NCKAP5: variants seen among roughly 807,000 people sequenced by gnomAD.
The protein encoded by NCKAP5 is NCK associated protein 5.
Under a neutral mutation model 167.0 loss-of-function variants are expected in NCKAP5, and 92 were observed. The ratio of observed to expected loss-of-function variants is 0.55; its 90% CI spans 0.47 to 0.66. The LOEUF (loss-of-function observed/expected upper bound fraction) is 0.66, where lower values mean the gene tolerates loss of function less well. NCKAP5 is among the 30% of genes least tolerant of loss of function. NCKAP5 has a pLI of 0.00. For missense variants in NCKAP5, 2,378 were observed against 2,315.0 expected (o/e 1.03, Z -0.56); for synonymous variants, 891 against 877.4 (o/e 1.02, Z -0.27).
At chr2:132,895,742 A>G (rs901824911) in intron 8 of NCKAP5, among the ~76,000 whole-genome samples, 2 of 147,726 alleles carry the variant, frequency 1.4e-5, no homozygotes, top group African/African-American at 4.9e-5. Context: ...CATTTTACAG[A>G]TGTGCAGTCT....
the NCKAP5 span, among the ~76,000 whole-genome samples, chr2:133,658,665 A>G: frequency 6.6e-6 from 1 of 152,114 alleles, no homozygotes; most frequent in Non-Finnish European, 1.5e-5. Context: ...AGGCTCACTC[A>G]CAGTGCCGAC....
At chr2:133,378,706 T>C (rs947180657) in intron 3 of NCKAP5, among the ~76,000 whole-genome samples, 1 of 152,214 alleles carries the variant, frequency 6.6e-6, no homozygotes, top group Non-Finnish European at 1.5e-5. Flanking sequence ...CTCCGTTCTG[T>C]CTCACCCCAA....
intron 3 of NCKAP5, among the ~76,000 whole-genome samples, chr2:133,357,278 C>CACAG (rs1684796582): frequency 2.2e-5 from 3 of 135,134 alleles, no homozygotes; most frequent in African/African-American, 8.7e-5. Context: ...TTGGGTCACA[C>CACAG]ACATACACAG....
intron 11 of NCKAP5, among the ~76,000 whole-genome samples, chr2:132,811,489 G>A (rs1201893005): frequency 1.3e-5 from 2 of 152,102 alleles, no homozygotes; most frequent in Admixed American, 6.5e-5. Context: ...CACTGGAGTT[G>A]TGTGCCTAGG....
chr2:132,891,656 G>T (rs1692722084), intron 8 of NCKAP5, among the ~76,000 whole-genome samples: 1 of 152,154 alleles, frequency 6.6e-6, no homozygotes, highest in Admixed American at 6.5e-5. Flanking sequence ...TGTGTGATTT[G>T]GAAAACCATT....
intron 12 of NCKAP5, among the ~76,000 whole-genome samples, chr2:132,792,107 C>A (rs1433099724): frequency 6.6e-6 from 1 of 152,160 alleles, no homozygotes; most frequent in Non-Finnish European, 1.5e-5. Context: ...GGCTGGAGTG[C>A]AATGGCATGA....
intron 5 of NCKAP5, among the ~76,000 whole-genome samples, chr2:133,152,444 G>C (rs2083415681): frequency 6.6e-6 from 1 of 152,174 alleles, no homozygotes; most frequent in Non-Finnish European, 1.5e-5. Flanking sequence ...TACGCCGAAT[G>C]CATTAATAAA....
chr2:133,017,969 C>T (rs1255332633), intron 6 of NCKAP5, among the ~76,000 whole-genome samples: 1 of 152,160 alleles, frequency 6.6e-6, no homozygotes, highest in Non-Finnish European at 1.5e-5. Context: ...GGTGAAGAGT[C>T]TTTTCCAATC....
chr2:132,849,184 G>A (rs1040052643), intron 11 of NCKAP5, among the ~76,000 whole-genome samples: 1 of 152,094 alleles, frequency 6.6e-6, no homozygotes, highest in South Asian at 2.1e-4. Flanking sequence ...TGTATATAGG[G>A]AGAAAACCTA....
At chr2:133,423,171 A>C (rs981519653) in intron 3 of NCKAP5, among the ~76,000 whole-genome samples, 7 of 152,194 alleles carry the variant, frequency 4.6e-5, no homozygotes, top group African/African-American at 1.2e-4. Context: ...AGTCTGTTGC[A>C]ATATTTTACT....
At chr2:133,605,481 T>TG in the NCKAP5 span, among the ~76,000 whole-genome samples, 1 of 151,774 alleles carries the variant, frequency 6.6e-6, no homozygotes, top group Non-Finnish European at 1.5e-5. Flanking sequence ...GGGTGTGTGG[T>TG]GGGGGGAAGG....
At chr2:132,973,991 A>T (rs1211670510) in intron 7 of NCKAP5, among the ~76,000 whole-genome samples, 1 of 152,162 alleles carries the variant, frequency 6.6e-6, no homozygotes, top group Admixed American at 6.5e-5. Flanking sequence ...TATTATTACT[A>T]ACTCTGGTGG....
intron 6 of NCKAP5, among the ~76,000 whole-genome samples, chr2:133,063,359 T>C (rs2080077005): frequency 1.3e-5 from 2 of 152,330 alleles, no homozygotes; most frequent in African/African-American, 2.4e-5. Flanking sequence ...CTCAATTTAT[T>C]ATCTCTGAAC....
At chr2:133,439,183 G>C (rs1690679998) in intron 3 of NCKAP5, among the ~76,000 whole-genome samples, 1 of 152,248 alleles carries the variant, frequency 6.6e-6, no homozygotes, top group East Asian at 1.9e-4. Context: ...TATTTGACAG[G>C]AATCCAAATT....
At chr2:133,491,170 G>A (rs1681404520) in intron 3 of NCKAP5, among the ~76,000 whole-genome samples, 1 of 152,160 alleles carries the variant, frequency 6.6e-6, no homozygotes, top group African/African-American at 2.4e-5. Flanking sequence ...GGGCTTTTAT[G>A]GTTTGCCATG....
rs199500200 is a variant in NCKAP5, at chr2:133,119,678, T to TA, written c.341+10299dup. 2.0e-3 allele frequency among the ~76,000 whole-genome samples: 298 copies of TA among 152,192 alleles called. 3 individuals carry two copies. Among genetic ancestry groups the TA allele is most frequent in the African/African-American group, 6.6e-3 (273 of 41,530 alleles). ...TACATCTATTATCTATCAATAAATT[T>TA]AAAAAACCTCCACTTTCTATTACAG... On this transcript the variant is annotated intron_variant, in intron 6 of 19. Transcript: ENST00000409261.
chr2:133,652,208 A>G, the NCKAP5 span, among the ~76,000 whole-genome samples: 52 of 152,380 alleles, frequency 3.4e-4, 2 homozygotes, highest in South Asian at 0.011. Flanking sequence ...ATTCCTAATC[A>G]GGAAAGACAG....
At chr2:132,790,270 T>C in intron 12 of NCKAP5, 65 bp from the exon 13 acceptor site, 1 of 1,412,196 alleles carries the variant, frequency 7.1e-7, no homozygotes, top group Non-Finnish European at 9.7e-7. Context: ...CAACACAACC[T>C]TATGGTGAGG....
chr2:133,358,014 G>T (rs928572126), intron 3 of NCKAP5, among the ~76,000 whole-genome samples: 2 of 152,090 alleles, frequency 1.3e-5, no homozygotes, highest in Admixed American at 1.3e-4. Context: ...TTTTCCTGGG[G>T]TGTTGTCCTC....
Sources: allele counts gnomAD v4.1 joint callset (sites outside exome capture counted in the v4.1 genomes callset), GRCh38; gene constraint gnomAD v4.1.1; transcripts MANE v1.5; gene names NCBI Gene and HGNC (gene_info 2026-07-23, HGNC 2026-07-21).